Variants in CNKSR3 observed in about 807,000 individuals in gnomAD.
CNKSR3 encodes the protein CNKSR family member 3, also known as connector enhancer of kinase suppressor of ras 3.
CNKSR3 carries 36 observed loss-of-function variants against 67.7 expected under a neutral mutation model. The ratio of observed to expected loss-of-function variants is 0.53; its 90% CI spans 0.41 to 0.70. CNKSR3 has a LOEUF of 0.70. Ranked by LOEUF, CNKSR3 falls within the 30% of genes least tolerant of loss-of-function variation. CNKSR3 has a pLI of 0.00. For missense variants in CNKSR3, 630 were observed against 695.2 expected, an observed-to-expected ratio of 0.91 and a Z score of 1.05; for synonymous variants, 281 against 271.4, an observed-to-expected ratio of 1.04 and a Z score of -0.35.
Position 154,468,080 on chromosome 6 carries a change from C to CTT in CNKSR3, c.53-17824_53-17823dup, listed in dbSNP as rs71021055. 3.1e-3 allele frequency among the ~76,000 whole-genome samples: 330 copies of CTT among 107,406 alleles called. 5 individuals carry two copies. The highest frequency in any genetic ancestry group is 9.1e-3 in the Middle Eastern group (1 of 110). 70.5% of individuals were successfully genotyped at this position (107,406 alleles called of 152,430 possible). A position where few individuals can be genotyped will look rare whatever the true frequency, so the allele number is the denominator to read the frequency against. ...TAGGCTTTTTTTTTTTCTTTTTTTT[C>CTT]TTTTTTTTTTTTTTGAGACAGGGTC... On this transcript the variant is annotated intron_variant, in intron 1 of 12. Coordinates refer to ENST00000607772, the MANE Select transcript of CNKSR3 (RefSeq NM_173515.4).
At chr6:154,409,470 A>G (rs140273237) in intron 12 of CNKSR3, among the ~76,000 whole-genome samples, 52 of 149,388 alleles carry the variant, frequency 3.5e-4, no homozygotes, top group East Asian at 2.6e-3. Context: ...TTCTAACATA[A>G]GAAGGACTTG....
Position 154,390,797 on chromosome 6 carries a change from G to A in CNKSR3, c.*15557C>T, listed in dbSNP as rs1784595247. On this transcript the variant is annotated 3_prime_UTR_variant, in exon 13 of 13. Transcript: ENST00000607772. ...GTCAGCAGCACTGGTTTCTTCTGAG[G>A]CTTTTTTTTTTTTTTTTTTTTGAGA... 8.8e-6 allele frequency: 1 copy of A among 113,188 alleles called. No homozygotes were observed. The highest frequency in any genetic ancestry group is 3.7e-5 in the African/African-American group (1 of 26,802). The allele number at this position is 113,188 out of a possible 1,614,324, so 7.0% of individuals were successfully genotyped here.
At chr6:154,451,825 A>G (rs954489932) in intron 1 of CNKSR3, among the ~76,000 whole-genome samples, 14 of 152,278 alleles carry the variant, frequency 9.2e-5, no homozygotes, top group Non-Finnish European at 1.5e-4. Context: ...TTGGAACCCA[A>G]CTCATCCTCC....
intron 1 of CNKSR3, among the ~76,000 whole-genome samples, chr6:154,468,570 A>T (rs1339421833): frequency 1.3e-5 from 2 of 151,852 alleles, no homozygotes; most frequent in Non-Finnish European, 2.9e-5. Context: ...CCTGTCTGTC[A>T]CCTCCTCTAA....
intron 7 of CNKSR3, among the ~76,000 whole-genome samples, chr6:154,424,761 T>TTTG (rs372118635): frequency 0.016 from 2,391 of 152,170 alleles, 24 homozygotes; most frequent in African/African-American, 0.028. Flanking sequence ...GTTTTGTTTT[T>TTTG]TTGTTGTTGT....
intron 2 of CNKSR3, among the ~76,000 whole-genome samples, chr6:154,443,431 C>T (rs1163126456): frequency 5.8e-5 from 5 of 86,134 alleles, no homozygotes; most frequent in East Asian, 7.1e-4. Flanking sequence ...AACCAAAAAT[C>T]GCCCTGTGTC....
intron 1 of CNKSR3, among the ~76,000 whole-genome samples, chr6:154,509,701 G>T (rs1356709976): frequency 6.6e-6 from 1 of 152,106 alleles, no homozygotes; most frequent in Non-Finnish European, 1.5e-5. Context: ...CTCTGCACTC[G>T]GGCCCCCGGG....
rs549361112 is a variant in CNKSR3 at position 154,433,519 on chromosome 6, G to A, written c.508-12C>T. On this transcript the variant is annotated splice_polypyrimidine_tract_variant and intron_variant, in intron 4 of 12. Coordinates refer to ENST00000607772, the MANE Select transcript of CNKSR3 (RefSeq NM_173515.4). ...GCTACAAAGCAATCCTAAAGAAGGG[G>A]ATGGAGAAAATGAATACTAAGTACA... 5.6e-5 allele frequency: 89 copies of A among 1,580,342 alleles called. No homozygotes were observed. The South Asian group carries it at 9.4e-4, about 17-fold the overall frequency.
At position 154,475,919 on chromosome 6, in the gene CNKSR3, A is replaced by T. The variant is rs142766745; in HGVS notation, c.53-25661T>A. 4.6e-5 allele frequency among the ~76,000 whole-genome samples: 7 copies of T among 152,296 alleles called. No individual in the cohort carries two copies. In the East Asian group the frequency reaches 1.4e-3, roughly 29 times the overall value. ...AACACCTCACCTCACACAACTTGGAACCAAAAGGCAAGCCAGGGGACCTCT... is the reference window on the plus strand; with the variant it reads ...AACACCTCACCTCACACAACTTGGATCCAAAAGGCAAGCCAGGGGACCTCT... On this transcript the variant is annotated intron_variant, in intron 1 of 12. Transcript: ENST00000607772.
At chr6:154,508,137 A>G (rs1787140317) in intron 1 of CNKSR3, among the ~76,000 whole-genome samples, 1 of 152,240 alleles carries the variant, frequency 6.6e-6, no homozygotes. Context: ...AGAACTGTCC[A>G]ATAGAAATAT....
chr6:154,421,853 A>G (rs573243016), intron 9 of CNKSR3, among the ~76,000 whole-genome samples: 1 of 152,172 alleles, frequency 6.6e-6, no homozygotes, highest in Non-Finnish European at 1.5e-5. Context: ...AAGGACTAGA[A>G]GGAACTTTCT....
intron 9 of CNKSR3, among the ~76,000 whole-genome samples, chr6:154,421,971 T>G (rs1785153131): frequency 6.6e-6 from 1 of 151,120 alleles, no homozygotes; most frequent in Admixed American, 6.6e-5. Flanking sequence ...AGATTAACTT[T>G]TAATGTCATT....
intron 1 of CNKSR3, among the ~76,000 whole-genome samples, chr6:154,487,601 G>C (rs1786701517): frequency 6.6e-6 from 1 of 152,182 alleles, no homozygotes; most frequent in Admixed American, 6.5e-5. Flanking sequence ...GATTTATCCA[G>C]CCCCAACAGA....
intron 1 of CNKSR3, among the ~76,000 whole-genome samples, chr6:154,460,817 G>A (rs1786063584): frequency 6.6e-6 from 1 of 152,216 alleles, no homozygotes; most frequent in South Asian, 2.1e-4. Context: ...CACACAGCAA[G>A]TTTATGTTTT....
chr6:154,432,082 A>G (rs1489323760), intron 5 of CNKSR3, among the ~76,000 whole-genome samples: 1 of 152,226 alleles, frequency 6.6e-6, no homozygotes, highest in African/African-American at 2.4e-5. Flanking sequence ...GAAACTTCCA[A>G]ATTGTCCTCC....
chr6:154,472,449 C>T (rs983705972), intron 1 of CNKSR3, among the ~76,000 whole-genome samples: 2 of 152,184 alleles, frequency 1.3e-5, no homozygotes, highest in African/African-American at 2.4e-5. Flanking sequence ...CAGATCTCTG[C>T]TCACACATCC....
At chr6:154,486,371 T>C (rs2114644146) in intron 1 of CNKSR3, among the ~76,000 whole-genome samples, 1 of 151,774 alleles carries the variant, frequency 6.6e-6, no homozygotes, top group Middle Eastern at 3.4e-3. Context: ...TCTCGGCTCA[T>C]GGCAGCCTCC....
At chr6:154,506,153 C>T (rs907799851) in intron 1 of CNKSR3, among the ~76,000 whole-genome samples, 6 of 152,018 alleles carry the variant, frequency 3.9e-5, no homozygotes, top group African/African-American at 7.3e-5. Context: ...TCCCTGTTGC[C>T]TGCCTACCAA....
At position 154,405,672 on chromosome 6, in the gene CNKSR3, C is replaced by A. The variant is rs982585379; in HGVS notation, c.*682G>T. 3.3e-5 allele frequency: 5 copies of A among 152,286 alleles called. No individual in the cohort carries two copies. In the East Asian group the frequency reaches 5.8e-4, roughly 18 times the overall value. The allele number at this position is 152,286 out of a possible 1,614,324, so 9.4% of individuals were successfully genotyped here. On this transcript the variant is annotated 3_prime_UTR_variant, in exon 13 of 13. Transcript: ENST00000607772. ...TTAAAGACAATAATATATAACAACA[C>A]CACCCCACACAAATAACCATAAACT...
Sources: gnomAD v4.1 joint callset for allele counts (sites outside exome capture counted in the v4.1 genomes callset) on GRCh38, gnomAD v4.1.1 for gene constraint, MANE v1.5 for transcripts, NCBI Gene and HGNC (gene_info 2026-07-23, HGNC 2026-07-21) for gene names.